The following SLFN12 variants were observed in gnomAD, a reference collection of about 807,000 sequenced individuals.
SLFN12 encodes ribonuclease SLFN12.
In SLFN12, 25 loss-of-function variants were observed where a neutral mutation model predicts 29.1. The observed-to-expected ratio is 0.86, with a 90% CI of 0.63 to 1.20. The LOEUF (loss-of-function observed/expected upper bound fraction) is 1.20. Ranked by LOEUF, SLFN12 falls within the 50% of genes most tolerant of loss-of-function variation. SLFN12 has a pLI of 0.00. For synonymous variants in SLFN12, 257 were observed against 238.7 expected (o/e 1.08, Z -0.71); for missense variants, 660 against 666.2 (o/e 0.99, Z 0.10).
intron 3 of SLFN12, among the ~76,000 whole-genome samples, chr17:35,418,191 C>T (rs553743809): frequency 3.3e-5 from 5 of 150,166 alleles, no homozygotes; most frequent in Admixed American, 6.7e-5. Context: ...TACCAGATAT[C>T]GATACTTAGT....
chr17:35,427,282 T>C (rs1912069923), intron 1 of SLFN12, among the ~76,000 whole-genome samples: 1 of 152,168 alleles, frequency 6.6e-6, no homozygotes, highest in African/African-American at 2.4e-5. Flanking sequence ...AACAGATCTT[T>C]GTTGTTAGTT....
At chr17:35,411,989 G>T in intron 3 of SLFN12, 62 bp from the exon 4 acceptor site, 1 of 1,287,428 alleles carries the variant, frequency 7.8e-7, no homozygotes, top group Admixed American at 2.4e-5. Context: ...TTAAGCCATG[G>T]CAAAGTAGCT....
At chr17:35,411,951 A>G in intron 3 of SLFN12, 24 bp from the exon 4 acceptor site, 1 of 1,485,620 alleles carries the variant, frequency 6.7e-7, no homozygotes, top group Non-Finnish European at 9.0e-7. Flanking sequence ...TAATAATAAT[A>G]AATTATAAAA....
At position 35,425,838 on chromosome 17, in the gene SLFN12, C is replaced by CTTTTTTTTTTTTTTTT. The variant is rs58492425; in HGVS notation, c.-40-2786_-40-2771dup. 2.7e-3 allele frequency among the ~76,000 whole-genome samples: 105 copies of CTTTTTTTTTTTTTTTT among 39,154 alleles called. 11 individuals carry two copies. The highest frequency in any genetic ancestry group is 4.1e-3 in the Admixed American group (11 of 2,680). The allele number at this position is 39,154 out of a possible 152,430, so 25.7% of individuals were successfully genotyped here. Reference sequence around the variant, plus strand: ...GGTTCTTTTTCTTTTCTTTTCTTTTCTTTTTTTTTTTTTTTTTTTTTTTTT... The same window carrying CTTTTTTTTTTTTTTTT: ...GGTTCTTTTTCTTTTCTTTTCTTTTCTTTTTTTTTTTTTTTTTTTTTTTTTTTTTTTTTTTTTTTTT... On this transcript the variant is annotated intron_variant, in intron 1 of 3. Transcript: ENST00000304905.
At chr17:35,420,585 T>C in intron 2 of SLFN12, 6 of 387,438 alleles carry the variant, frequency 1.5e-5, no homozygotes, top group Non-Finnish European at 2.8e-5. Flanking sequence ...ATATTTCAAA[T>C]GAAAATTAAC....
intron 1 of SLFN12, chr17:35,430,436 C>T (rs1285099937): frequency 6.6e-6 from 1 of 152,052 alleles, no homozygotes; most frequent in Non-Finnish European, 1.5e-5. Flanking sequence ...GAGAATGTAA[C>T]CAAAACGTAA....
chr17:35,420,183 C>T, intron 3 of SLFN12, 91 bp downstream of exon 3: 1 of 854,830 alleles, frequency 1.2e-6, no homozygotes, highest in Non-Finnish European at 1.9e-6. Flanking sequence ...AATGTGCTTT[C>T]AGAGCAAATT....
Position 35,411,245 on chromosome 17 carries a change from C to T in SLFN12, c.*93G>A. 2.0e-6 allele frequency: 2 copies of T among 995,632 alleles called. No homozygotes were observed. The highest frequency in any genetic ancestry group is 2.9e-6 in the Non-Finnish European group (2 of 690,990). 61.7% of individuals were successfully genotyped at this position (995,632 alleles called of 1,614,324 possible). A position where few individuals can be genotyped will look rare whatever the true frequency, so the allele number is the denominator to read the frequency against. On this transcript the variant is annotated 3_prime_UTR_variant, in exon 4 of 4. Transcript: ENST00000304905. ...TCCAACATCACATTAAGTTGCTTAACTTGCAAAGTTTTCAAAGAAATATTT... is the reference window on the plus strand; with the variant it reads ...TCCAACATCACATTAAGTTGCTTAATTTGCAAAGTTTTCAAAGAAATATTT...
intron 3 of SLFN12, among the ~76,000 whole-genome samples, chr17:35,415,146 G>T (rs1911244172): frequency 6.6e-6 from 1 of 152,030 alleles, no homozygotes; most frequent in Non-Finnish European, 1.5e-5. Flanking sequence ...AAACAGCATG[G>T]TTCTGATATA....
rs1911808584 is a variant in SLFN12, at chr17:35,423,180, G to GT, written c.-40-113dup. 4.8e-5 allele frequency: 59 copies of GT among 1,217,036 alleles called. No homozygotes were observed. The South Asian group carries it at 1.0e-3, about 21-fold the overall frequency. The allele number at this position is 1,217,036 out of a possible 1,614,324, so 75.4% of individuals were successfully genotyped here. The stretch of plus-strand genomic sequence containing the variant: ...GTGCTGTATATATTCTACTAGACTG[G>GT]TAAGTATATGGATATGAAGAGACTG... On this transcript the variant is annotated intron_variant, in intron 1 of 3. Coordinates refer to ENST00000304905, the MANE Select transcript of SLFN12 (RefSeq NM_018042.5).
intron 1 of SLFN12, among the ~76,000 whole-genome samples, chr17:35,426,334 T>A (rs1912020850): frequency 6.6e-6 from 1 of 152,126 alleles, no homozygotes; most frequent in Non-Finnish European, 1.5e-5. Flanking sequence ...TTTCATTGCC[T>A]GTCCGCCATT....
At chr17:35,428,043 T>C (rs777052738) in intron 1 of SLFN12, among the ~76,000 whole-genome samples, 2 of 152,086 alleles carry the variant, frequency 1.3e-5, no homozygotes, top group Non-Finnish European at 2.9e-5. Context: ...AGTCTGAATC[T>C]GTGGAAATAA....
chr17:35,425,245 G>A lies in SLFN12; in HGVS notation c.-40-2177C>T, dbSNP rs771354432. ...CCAGGAGTCCAAGGCTGCAGTAAGC[G>A]ATGATCATGGCACTGCACTCTAGCT... On this transcript the variant is annotated intron_variant, in intron 1 of 3. Transcript: ENST00000304905. Among the ~76,000 whole-genome samples the A allele has an allele frequency of 1.8e-4, 28 of 152,198 alleles. No homozygotes were observed. The South Asian group carries it at 2.1e-3, about 11-fold the overall frequency.
At chr17:35,429,416 G>C (rs536491432) in intron 1 of SLFN12, among the ~76,000 whole-genome samples, 2 of 152,100 alleles carry the variant, frequency 1.3e-5, no homozygotes, top group Non-Finnish European at 2.9e-5. Context: ...CTTAAAAAAT[G>C]AGCTGGGGAT....
Position 35,411,606 on chromosome 17 carries a change from T to C in SLFN12, c.1469A>G (p.Lys490Arg). 1 of 1,614,060 alleles carries C rather than the reference T, an allele frequency of 6.2e-7. No homozygotes were observed. Among genetic ancestry groups the C allele is most frequent in the Non-Finnish European group, 8.5e-7 (1 of 1,179,990 alleles). Residue 490 changes from lysine (K) to arginine (R), a missense_variant, in exon 4 of 4, where the codon AAA becomes AGA. By Grantham distance (26) the Lys-to-Arg change is conservative (BLOSUM62 2). Transcript: ENST00000304905. ...KLAKIGGYTK[K>R]VCVMTKIFYL... ...GAAGATCTTTGTCATGACACACACT[T>C]TTTTAGTGTAACCACCAATTTTTGC...
intron 3 of SLFN12, among the ~76,000 whole-genome samples, chr17:35,419,427 G>C (rs1911499210): frequency 6.6e-6 from 1 of 151,878 alleles, no homozygotes; most frequent in African/African-American, 2.4e-5. Flanking sequence ...AAATCAATAA[G>C]AAAAAGACAA....
intron 1 of SLFN12, among the ~76,000 whole-genome samples, chr17:35,425,720 G>T (rs1254969996): frequency 6.6e-6 from 1 of 151,458 alleles, no homozygotes; most frequent in African/African-American, 2.4e-5. Flanking sequence ...GAATAATGCT[G>T]CAATAGACAT....
At chr17:35,421,594 C>T (rs1480691294) in intron 2 of SLFN12, among the ~76,000 whole-genome samples, 1 of 133,556 alleles carries the variant, frequency 7.5e-6, no homozygotes, top group Non-Finnish European at 1.5e-5. Context: ...GGCTGGAGTG[C>T]AGTGGCGCAA....
Position 35,429,320 on chromosome 17 carries a change from G to A in SLFN12, c.-41+2868C>T, listed in dbSNP as rs550371108. Reference sequence around the variant, plus strand: ...CGCTTGTGAACTAGCCTGGGATCCCGGTCACCCCAGTCCAACATCTGCAGC... The same window carrying A: ...CGCTTGTGAACTAGCCTGGGATCCCAGTCACCCCAGTCCAACATCTGCAGC... On this transcript the variant is annotated intron_variant, in intron 1 of 3. Transcript: ENST00000304905. 1.4e-4 allele frequency among the ~76,000 whole-genome samples: 21 copies of A among 152,042 alleles called. No individual in the cohort carries two copies. The South Asian group carries it at 3.8e-3, about 27-fold the overall frequency.
Sources: gnomAD v4.1 joint callset for allele counts (sites outside exome capture counted in the v4.1 genomes callset) on GRCh38, gnomAD v4.1.1 for gene constraint, MANE v1.5 for transcripts, NCBI Gene and HGNC (gene_info 2026-07-23, HGNC 2026-07-21) for gene names.